The following GASK1A variants were observed in gnomAD, a reference collection of about 807,000 sequenced individuals.
The protein encoded by GASK1A is golgi associated kinase 1A, also known as Golgi-associated kinase 1A.
Under a neutral mutation model 41.2 loss-of-function variants are expected in GASK1A, and 40 were observed. The observed-to-expected ratio is 0.97, with a 90% CI of 0.75 to 1.27. The LOEUF (loss-of-function observed/expected upper bound fraction) is 1.27. Among genes scored for constraint, GASK1A ranks in the 50% most tolerant of loss-of-function variants. The pLI is 0.00. For missense variants in GASK1A, 678 were observed against 745.1 expected (o/e 0.91, Z 1.05); for synonymous variants, 316 against 307.1 (o/e 1.03, Z -0.30).
At chr3:43,013,687 T>G (rs764022291) in intron 1 of GASK1A, among the ~76,000 whole-genome samples, 3 of 151,428 alleles carry the variant, frequency 2.0e-5, no homozygotes, top group Non-Finnish European at 4.4e-5. Context: ...AGGTGCTGTG[T>G]GAAGTCACAG....
Position 43,056,250 on chromosome 3 carries a change from A to G in GASK1A, c.1592A>G (p.Asp531Gly). The part of the protein sequence containing the change: ...QNMLLKSLQM[D>G]PVFWESQGGA... ...ATGCTGCTGAAGTCGCTGCAGATGG[A>G]CCCAGTGTTCTGGGAAAGCCAAGGC... The change falls in exon 5 of 5, where the codon GAC becomes GGC. Residue 531 changes from aspartate to glycine, a missense_variant. Physicochemically the swap from Asp to Gly is moderately conservative, Grantham distance 94. Transcript: ENST00000430121. 1 of 1,551,662 alleles carries G rather than the reference A, an allele frequency of 6.4e-7. No homozygotes were observed. The highest frequency in any genetic ancestry group is 8.7e-7 in the Non-Finnish European group (1 of 1,146,984).
At position 43,055,468 on chromosome 3, in the gene GASK1A, G is replaced by T. The variant is rs759000410; in HGVS notation, c.1450G>T (p.Asp484Tyr). 2 of 1,551,684 alleles carry T rather than the reference G, an allele frequency of 1.3e-6. No homozygotes were observed. The highest frequency in any genetic ancestry group is 1.4e-5 in the African/African-American group (1 of 73,040). The change falls in exon 4 of 5, where the codon GAT becomes TAT. Residue 484 changes from aspartate (D) to tyrosine (Y), a missense_variant. Transcript: ENST00000430121. Reference protein sequence around the residue: ...SSDPSHLVYIDNAGNLQHPED... With the variant: ...SSDPSHLVYIYNAGNLQHPED... ...CGATCCATCTCACCTGGTCTACATC[G>T]ATAACGCTGGCAACCTTCAGCACCC...
Position 42,984,394 on chromosome 3 carries a change from A to ACACT in GASK1A, c.3+4753_3+4756dup, listed in dbSNP as rs1174434814. Among the ~76,000 whole-genome samples, 6 of 152,100 alleles carry ACACT rather than the reference A, an allele frequency of 3.9e-5. No homozygotes were observed. Among genetic ancestry groups the ACACT allele is most frequent in the African/African-American group, 1.4e-4 (6 of 41,402 alleles). On this transcript the variant is annotated intron_variant, in intron 1 of 4. Coordinates refer to ENST00000430121, the MANE Select transcript of GASK1A (RefSeq NM_001129908.3). This position sits in a 1 kb window ranked among gnomAD's most constrained non-coding sequence, Gnocchi z 4.2. ...TACACACACATGTGCACGCACACAC[A>ACACT]CACTCACGCATGCACACATACTCTT...
At chr3:42,989,175 CT>C (rs2089328113) in intron 1 of GASK1A, among the ~76,000 whole-genome samples, 1 of 151,966 alleles carries the variant, frequency 6.6e-6, no homozygotes, top group Non-Finnish European at 1.5e-5. Flanking sequence ...ATAACTCTTA[CT>C]GGCCAGGTGG....
intron 2 of GASK1A, among the ~76,000 whole-genome samples, chr3:43,043,564 G>A (rs1304762449): frequency 6.6e-6 from 1 of 152,176 alleles, no homozygotes; most frequent in Non-Finnish European, 1.5e-5. Flanking sequence ...CTCAGCCTGT[G>A]TGACTCATTA....
intron 2 of GASK1A, among the ~76,000 whole-genome samples, chr3:43,036,091 C>T (rs2089602698): frequency 6.6e-6 from 1 of 152,232 alleles, no homozygotes; most frequent in South Asian, 2.1e-4. Context: ...CCACACAGAG[C>T]CCCTCTGTTC....
At chr3:43,027,103 CTG>C (rs2089550724) in intron 1 of GASK1A, among the ~76,000 whole-genome samples, 3 of 152,190 alleles carry the variant, frequency 2.0e-5, no homozygotes, top group Admixed American at 2.0e-4. Context: ...AAGAAAGAAA[CTG>C]TAAGCCAAGT....
At chr3:43,020,379 A>T (rs1334067127) in intron 1 of GASK1A, among the ~76,000 whole-genome samples, 1 of 152,210 alleles carries the variant, frequency 6.6e-6, no homozygotes, top group African/African-American at 2.4e-5. Context: ...GGCTCCCTCC[A>T]TACCATCTTA....
At position 43,056,239 on chromosome 3, in the gene GASK1A, G is replaced by A. The variant is rs1291462799; in HGVS notation, c.1581G>A (p.Ser527=). 1.3e-5 allele frequency: 20 copies of A among 1,551,594 alleles called. No individual in the cohort carries two copies. The highest frequency in any genetic ancestry group is 1.6e-5 in the Non-Finnish European group (18 of 1,147,000). The part of the protein sequence containing the change: ...SGCLQNMLLK[S]LQMDPVFWES... ...GTCTACAGAACATGCTGCTGAAGTC[G>A]CTGCAGATGGACCCAGTGTTCTGGG... Residue 527 remains serine, a synonymous_variant, in exon 5 of 5, where the codon TCG becomes TCA. Coordinates refer to ENST00000430121, the MANE Select transcript of GASK1A (RefSeq NM_001129908.3).
rs2089720381 is a variant in GASK1A, at chr3:43,057,182, G to C, written c.*796G>C. 1 of 152,208 alleles carries C rather than the reference G, an allele frequency of 6.6e-6. No homozygotes were observed. The highest frequency in any genetic ancestry group is 6.5e-5 in the Admixed American group (1 of 15,288). 9.4% of individuals were successfully genotyped at this position (152,208 alleles called of 1,614,324 possible). ...GGTGACTGCATGAAATTCCAAGGCAGGGATGTGTCATATTTTCTTTAGCTG... is the reference window on the plus strand; with the variant it reads ...GGTGACTGCATGAAATTCCAAGGCACGGATGTGTCATATTTTCTTTAGCTG... On this transcript the variant is annotated 3_prime_UTR_variant, in exon 5 of 5. Coordinates refer to ENST00000430121, the MANE Select transcript of GASK1A (RefSeq NM_001129908.3).
At chr3:43,047,642 C>A (rs1462735435) in intron 2 of GASK1A, among the ~76,000 whole-genome samples, 2 of 152,124 alleles carry the variant, frequency 1.3e-5, no homozygotes, top group African/African-American at 2.4e-5. Flanking sequence ...CCTTCTCTCT[C>A]TCCCCTTCTC....
Position 42,979,499 on chromosome 3 carries a change from G to C in GASK1A, c.-144G>C, listed in dbSNP as rs1257847984. 4 of 910,510 alleles carry C rather than the reference G, an allele frequency of 4.4e-6. No homozygotes were observed. The highest frequency in any genetic ancestry group is 5.8e-6 in the Non-Finnish European group (4 of 693,916). 56.4% of individuals were successfully genotyped at this position (910,510 alleles called of 1,614,324 possible). The stretch of plus-strand genomic sequence containing the variant: ...GCTGCAGAGAACGTGTGCACCTTCA[G>C]TCCGGGAAACCCGCCCCAGCCGAGT... On this transcript the variant is annotated 5_prime_UTR_variant, in exon 1 of 5. Coordinates refer to ENST00000430121, the MANE Select transcript of GASK1A (RefSeq NM_001129908.3).
chr3:43,016,506 G>A (rs550005210), intron 1 of GASK1A, among the ~76,000 whole-genome samples: 7 of 146,154 alleles, frequency 4.8e-5, no homozygotes, highest in East Asian at 4.3e-4. Flanking sequence ...TTTGTGAAGC[G>A]TCAGGAAGGG....
At chr3:43,017,101 C>G (rs2089495537) in intron 1 of GASK1A, among the ~76,000 whole-genome samples, 1 of 150,828 alleles carries the variant, frequency 6.6e-6, no homozygotes, top group South Asian at 2.1e-4. Context: ...ATTGTGAGGT[C>G]TCAGGAAGGG....
chr3:43,052,863 C>T (rs1408118542), intron 2 of GASK1A, among the ~76,000 whole-genome samples: 1 of 152,202 alleles, frequency 6.6e-6, no homozygotes, highest in African/African-American at 2.4e-5. Flanking sequence ...TCAGGCTGCA[C>T]CTTTCCTTCT....
At chr3:42,980,781 C>T (rs2089278882) in intron 1 of GASK1A, among the ~76,000 whole-genome samples, 2 of 151,986 alleles carry the variant, frequency 1.3e-5, no homozygotes, top group South Asian at 4.2e-4. Context: ...CAGGTTTTTT[C>T]TCAAAGCTGC....
At chr3:43,029,428 C>G (rs957004918) in intron 1 of GASK1A, among the ~76,000 whole-genome samples, 7 of 152,094 alleles carry the variant, frequency 4.6e-5, no homozygotes, top group African/African-American at 1.7e-4. Flanking sequence ...TTGACATGGA[C>G]AGGAGGAGGA....
rs530331079 is a variant in GASK1A at position 43,056,667 on chromosome 3, G to C, written c.*281G>C. 3.1e-6 allele frequency: 1 copy of C among 319,678 alleles called. No homozygotes were observed. Among genetic ancestry groups the C allele is most frequent in the South Asian group, 5.6e-5 (1 of 17,710 alleles). The allele number at this position is 319,678 out of a possible 1,614,324, so 19.8% of individuals were successfully genotyped here. A position where few individuals can be genotyped will look rare whatever the true frequency, so the allele number is the denominator to read the frequency against. ...GAAACTGTAAAAATGTGTGATGCAC[G>C]TGCATATGCAGAGTGGGAGAACTTT... On this transcript the variant is annotated 3_prime_UTR_variant, in exon 5 of 5. Coordinates refer to ENST00000430121, the MANE Select transcript of GASK1A (RefSeq NM_001129908.3).
At chr3:43,046,790 T>C (rs1408114809) in intron 2 of GASK1A, among the ~76,000 whole-genome samples, 9 of 152,198 alleles carry the variant, frequency 5.9e-5, no homozygotes, top group Admixed American at 5.9e-4. Flanking sequence ...CTTGCTGCTT[T>C]GTGCAGTCTT....
Sources: gnomAD v4.1 joint callset for allele counts (sites outside exome capture counted in the v4.1 genomes callset) on GRCh38, gnomAD v4.1.1 for gene constraint, Gnocchi (gnomAD v3.1) non-coding constraint, MANE v1.5 for transcripts, NCBI Gene and HGNC (gene_info 2026-07-23, HGNC 2026-07-21) for gene names.